Variants in PAK2 observed in about 807,000 individuals in gnomAD.
The protein encoded by PAK2 is p21 (RAC1) activated kinase 2.
PAK2 carries 21 observed loss-of-function variants against 65.9 expected under a neutral mutation model. The observed-to-expected ratio is 0.32, with a 90% confidence interval of 0.23 to 0.46. PAK2 has a LOEUF of 0.46. PAK2 is among the 20% of genes least tolerant of loss of function. PAK2 has a pLI of 1.00. For missense variants in PAK2, 324 were observed against 642.6 expected (o/e 0.50, Z 5.36); for synonymous variants, 204 against 219.7 (o/e 0.93, Z 0.63).
chr3:196,795,934 G>A (rs900646132), intron 2 of PAK2, among the ~76,000 whole-genome samples: 1 of 152,202 alleles, frequency 6.6e-6, no homozygotes, highest in Non-Finnish European at 1.5e-5. Flanking sequence ...CCAGTGGTGC[G>A]GGGGAATGGT....
At chr3:196,776,567 A>G (rs1714541798) in intron 1 of PAK2, among the ~76,000 whole-genome samples, 2 of 152,226 alleles carry the variant, frequency 1.3e-5, no homozygotes, top group African/African-American at 2.4e-5. Context: ...GAAAACTTGT[A>G]TCCACTATGT....
intron 1 of PAK2, among the ~76,000 whole-genome samples, chr3:196,749,409 CGTT>C (rs1303622491): frequency 1.3e-5 from 2 of 151,998 alleles, no homozygotes; most frequent in African/African-American, 2.4e-5. Context: ...TTAACACAAC[CGTT>C]GTTGTTTTTA....
intron 1 of PAK2, among the ~76,000 whole-genome samples, chr3:196,748,693 T>C (rs953719234): frequency 4.6e-5 from 7 of 152,206 alleles, no homozygotes; most frequent in Non-Finnish European, 7.3e-5. Context: ...AATATTCCAT[T>C]GTCTGGATGT....
intron 2 of PAK2, among the ~76,000 whole-genome samples, chr3:196,800,187 C>T (rs1715379280): frequency 6.6e-6 from 1 of 152,088 alleles, no homozygotes; most frequent in African/African-American, 2.4e-5. Flanking sequence ...TTGAGACCAG[C>T]CTGGCCAACA....
chr3:196,791,295 C>A lies in PAK2; in HGVS notation c.187+8462C>A, dbSNP rs1436782062. ...TGAGACTATTAAAATACAGAGAGTA[C>A]CTGTATGTGTGTTATGTAAAAACAA... On this transcript the variant is annotated intron_variant, in intron 2 of 14. Transcript: ENST00000327134. The surrounding 1 kb of genome is among the most constrained non-coding windows in gnomAD (Gnocchi z 4.0). Among the ~76,000 whole-genome samples, 7 of 152,068 alleles carry A rather than the reference C, an allele frequency of 4.6e-5. No homozygotes were observed. Among genetic ancestry groups the A allele is most frequent in the African/African-American group, 1.7e-4 (7 of 41,410 alleles).
chr3:196,810,413 A>G (rs1715737627), intron 7 of PAK2, among the ~76,000 whole-genome samples, 177 bp from the exon 8 acceptor site: 2 of 152,016 alleles, frequency 1.3e-5, no homozygotes, highest in African/African-American at 2.4e-5. Context: ...TTAAACTTTT[A>G]TTATGTATTT....
intron 1 of PAK2, among the ~76,000 whole-genome samples, chr3:196,745,551 C>T (rs570297056): frequency 8.7e-4 from 132 of 152,228 alleles, no homozygotes; most frequent in African/African-American, 3.2e-3. Flanking sequence ...CAGTGGCTTA[C>T]GCCTGTAATC....
intron 2 of PAK2, among the ~76,000 whole-genome samples, chr3:196,795,121 A>C (rs1577727036): frequency 1.3e-5 from 2 of 152,102 alleles, no homozygotes; most frequent in Non-Finnish European, 2.9e-5. Context: ...CATAGGAAAC[A>C]TGAAAACTAC....
chr3:196,797,637 A>G (rs902915015), intron 2 of PAK2, among the ~76,000 whole-genome samples: 5 of 151,988 alleles, frequency 3.3e-5, no homozygotes, highest in African/African-American at 4.8e-5. Context: ...CTGTAATCCC[A>G]GCTACTTGGG....
intron 1 of PAK2, among the ~76,000 whole-genome samples, chr3:196,747,533 T>G (rs1713429599): frequency 6.6e-6 from 1 of 152,212 alleles, no homozygotes; most frequent in Admixed American, 6.5e-5. Flanking sequence ...TTCATTGTTG[T>G]CAGCTTCTAT....
At chr3:196,799,938 A>G (rs1715368033) in intron 2 of PAK2, among the ~76,000 whole-genome samples, 1 of 152,208 alleles carries the variant, frequency 6.6e-6, no homozygotes, top group South Asian at 2.1e-4. Context: ...ATATTAATCA[A>G]TTGCATAGGC....
At chr3:196,750,758 A>T (rs5021325) in intron 1 of PAK2, among the ~76,000 whole-genome samples, 39 of 133,476 alleles carry the variant, frequency 2.9e-4, no homozygotes, top group Non-Finnish European at 4.5e-4. Flanking sequence ...ATAAAGTTTA[A>T]AAAAAAAAAA....
chr3:196,823,491 A>G (rs1560119452), intron 13 of PAK2, among the ~76,000 whole-genome samples: 1 of 152,002 alleles, frequency 6.6e-6, no homozygotes, highest in Admixed American at 6.6e-5. Flanking sequence ...CTGATCAAAG[A>G]TGGGCTGATC....
intron 11 of PAK2, among the ~76,000 whole-genome samples, chr3:196,816,261 A>G (rs1293826902): frequency 2.0e-5 from 3 of 152,294 alleles, no homozygotes; most frequent in South Asian, 4.1e-4. Flanking sequence ...TCCATCTGTC[A>G]TTAAGGTGTT....
At chr3:196,751,670 TATAC>T (rs1437612893) in intron 1 of PAK2, among the ~76,000 whole-genome samples, 1 of 26,990 alleles carries the variant, frequency 3.7e-5, no homozygotes, top group African/African-American at 2.2e-4. Context: ...AATTTATTTA[TATAC>T]ATATATATAT....
chr3:196,831,506 G>C lies in PAK2; in HGVS notation c.*3101G>C, dbSNP rs2108781775. The C allele has an allele frequency of 6.6e-6, 1 of 152,280 alleles. No homozygotes were observed. Among genetic ancestry groups the C allele is most frequent in the Middle Eastern group, 3.4e-3 (1 of 294 alleles). The allele number at this position is 152,280 out of a possible 1,614,324, so 9.4% of individuals were successfully genotyped here. A position where few individuals can be genotyped will look rare whatever the true frequency, so the allele number is the denominator to read the frequency against. ...TCTGTCTTCATGTGTTGACTGCCTG[G>C]CACATAGTATTCATTCTCTTCCCTT... On this transcript the variant is annotated 3_prime_UTR_variant, in exon 15 of 15. Coordinates refer to ENST00000327134, the MANE Select transcript of PAK2 (RefSeq NM_002577.4).
At chr3:196,753,925 G>A (rs1713690104) in intron 1 of PAK2, among the ~76,000 whole-genome samples, 2 of 151,860 alleles carry the variant, frequency 1.3e-5, no homozygotes, top group African/African-American at 4.8e-5. Flanking sequence ...GATTACTTTT[G>A]TTTCAATTGT....
intron 1 of PAK2, among the ~76,000 whole-genome samples, chr3:196,761,722 A>C (rs1713972122): frequency 7.0e-6 from 1 of 143,110 alleles, no homozygotes. Flanking sequence ...CTCACTTCCC[A>C]GTAGGGGCGG....
intron 2 of PAK2, among the ~76,000 whole-genome samples, chr3:196,783,261 C>T (rs1023414217): frequency 2.0e-5 from 3 of 152,060 alleles, no homozygotes; most frequent in Non-Finnish European, 4.4e-5. Flanking sequence ...TCTATAATGC[C>T]CTCAGAAGTG....
Sources: gnomAD v4.1 joint callset for allele counts (sites outside exome capture counted in the v4.1 genomes callset) on GRCh38, gnomAD v4.1.1 for gene constraint, Gnocchi (gnomAD v3.1) non-coding constraint, MANE v1.5 for transcripts, NCBI Gene and HGNC (gene_info 2026-07-23, HGNC 2026-07-21) for gene names.